Variants in MYH16 observed in about 807,000 individuals in gnomAD.
MYH16 encodes myosin heavy chain 16.
intron 38 of MYH16, among the ~76,000 whole-genome samples, chr7:99,302,335 C>T (rs1285702221): frequency 2.1e-5 from 3 of 144,926 alleles, no homozygotes; most frequent in African/African-American, 2.6e-5. Context: ...CACACACACA[C>T]ACACACACAC....
intron 37 of MYH16, among the ~76,000 whole-genome samples, chr7:99,301,213 AAAAAAG>A (rs1307729062): frequency 1.3e-5 from 2 of 150,866 alleles, no homozygotes; most frequent in East Asian, 3.9e-4. Flanking sequence ...AAAAAAAAAA[AAAAAAG>A]AGAGAGAGAG....
chr7:99,302,766 A>G (rs1792619551), intron 38 of MYH16, among the ~76,000 whole-genome samples: 1 of 151,880 alleles, frequency 6.6e-6, no homozygotes. Flanking sequence ...CTGTAGTCCC[A>G]GGTACTTGGA....
intron 22 of MYH16, among the ~76,000 whole-genome samples, chr7:99,280,065 G>T (rs367739075): frequency 5.3e-5 from 8 of 152,262 alleles, no homozygotes; most frequent in African/African-American, 1.9e-4. Flanking sequence ...TAGAGATGGG[G>T]TTTCGCCATG....
intron 33 of MYH16, among the ~76,000 whole-genome samples, chr7:99,294,500 C>CAAAAAAAAAAAA (rs1159682450): frequency 2.0e-3 from 51 of 25,350 alleles, no homozygotes; most frequent in South Asian, 5.1e-3. Flanking sequence ...GACCCTGTCT[C>CAAAAAAAAAAAA]AAAAAAAAAA....
chr7:99,281,745 C>A (rs1269642117), intron 23 of MYH16, among the ~76,000 whole-genome samples: 1 of 152,138 alleles, frequency 6.6e-6, no homozygotes, highest in Non-Finnish European at 1.5e-5. Context: ...CATGGGGAGA[C>A]CCACCGACTT....
At chr7:99,275,939 G>A (rs556537944) in intron 20 of MYH16, among the ~76,000 whole-genome samples, 1 of 152,262 alleles carries the variant, frequency 6.6e-6, no homozygotes, top group East Asian at 1.9e-4. Flanking sequence ...TGTTGGCCAG[G>A]CTGGTCTTGA....
chr7:99,308,317 A>G (rs1792710168), downstream of MYH16, among the ~76,000 whole-genome samples: 1 of 150,424 alleles, frequency 6.6e-6, no homozygotes, highest in Non-Finnish European at 1.5e-5. Flanking sequence ...AAAAAAAAAA[A>G]AAACCAGAAC....
At chr7:99,257,813 A>AT (rs1362558484) in intron 10 of MYH16, among the ~76,000 whole-genome samples, 1 of 151,950 alleles carries the variant, frequency 6.6e-6, no homozygotes, top group South Asian at 2.1e-4. Flanking sequence ...CGCCTGGCTA[A>AT]TTTTTTAATT....
At chr7:99,287,698 A>G (rs1438535690) in intron 28 of MYH16, 194 bp from the exon 10 acceptor site, 3 of 349,846 alleles carry the variant, frequency 8.6e-6, no homozygotes, top group Admixed American at 7.6e-5. Flanking sequence ...GGAGGGCACA[A>G]TTTAACACAC....
chr7:99,277,916 T>TGTGTGTGAGA (rs1478749471), intron 21 of MYH16, among the ~76,000 whole-genome samples: 3 of 132,222 alleles, frequency 2.3e-5, no homozygotes, highest in African/African-American at 6.0e-5. Flanking sequence ...TGTGTGTGTG[T>TGTGTGTGAGA]GAGAGAGAGA....
At chr7:99,276,282 A>G (rs1792110942) in intron 20 of MYH16, among the ~76,000 whole-genome samples, 1 of 152,260 alleles carries the variant, frequency 6.6e-6, no homozygotes, top group Admixed American at 6.5e-5. Context: ...GTTATCTTTC[A>G]AAAGAGGCGC....
chr7:99,277,955 C>G (rs918755450), intron 21 of MYH16, among the ~76,000 whole-genome samples: 11 of 149,610 alleles, frequency 7.4e-5, no homozygotes, highest in African/African-American at 2.5e-4. Context: ...GACAGACAGA[C>G]AGACAGACAG....
chr7:99,285,509 A>C (rs187169185), intron 27 of MYH16, 71 bp downstream of exon 9: 167 of 452,998 alleles, frequency 3.7e-4, no homozygotes, highest in Non-Finnish European at 6.2e-4. Flanking sequence ...CCATGAATAG[A>C]AACCTCCGCT....
intron 31 of MYH16, among the ~76,000 whole-genome samples, 182 bp from the exon 13 acceptor site, chr7:99,292,130 T>TAAA (rs1240747297): frequency 6.6e-6 from 1 of 152,186 alleles, no homozygotes; most frequent in African/African-American, 2.4e-5. Flanking sequence ...TTGTGGACAA[T>TAAA]AATAGAAAGA....
intron 26 of MYH16, among the ~76,000 whole-genome samples, chr7:99,285,161 C>A (rs1163491988): frequency 6.6e-6 from 1 of 152,240 alleles, no homozygotes; most frequent in South Asian, 2.1e-4. Flanking sequence ...TTTCCCTCCA[C>A]TCTATCCAGC....
chr7:99,280,982 T>C lies in MYH16; in HGVS notation n.2992+2T>C, dbSNP rs975015278. 1 of 394,452 alleles carries C rather than the reference T, an allele frequency of 2.5e-6. No individual in the cohort carries two copies. Among genetic ancestry groups the C allele is most frequent in the Non-Finnish European group, 5.0e-6 (1 of 198,272 alleles). The allele number at this position is 394,452 out of a possible 1,614,324, so 24.4% of individuals were successfully genotyped here. A position where few individuals can be genotyped will look rare whatever the true frequency, so the allele number is the denominator to read the frequency against. Reference sequence around the variant, plus strand: ...AGGGCCCTAGAGGAGCTGCACCAGGTAGGTTTCCCTTGCATCTTCCCTCAG... The same window carrying C: ...AGGGCCCTAGAGGAGCTGCACCAGGCAGGTTTCCCTTGCATCTTCCCTCAG... On this transcript the variant is annotated splice_donor_variant and non_coding_transcript_variant, in intron 23 of 41. Coordinates refer to ENST00000439784, the Ensembl canonical transcript of MYH16.
At chr7:99,289,842 G>T (rs1792342907) in intron 30 of MYH16, among the ~76,000 whole-genome samples, 1 of 152,160 alleles carries the variant, frequency 6.6e-6, no homozygotes, top group South Asian at 2.1e-4. Context: ...AAATAACTTT[G>T]CTAAGTTAGA....
At chr7:99,280,241 A>G (rs890612781) in intron 22 of MYH16, among the ~76,000 whole-genome samples, 1 of 152,254 alleles carries the variant, frequency 6.6e-6, no homozygotes, top group Non-Finnish European at 1.5e-5. Context: ...CACAAGCCAC[A>G]TTGCAGGTGC....
chr7:99,240,541 G>T (rs2150803226), intron 1 of MYH16, among the ~76,000 whole-genome samples: 1 of 152,230 alleles, frequency 6.6e-6, no homozygotes, highest in South Asian at 2.1e-4. Context: ...TCCATTCCTG[G>T]TTAATTTCTT....
Sources: allele counts gnomAD v4.1 joint callset (sites outside exome capture counted in the v4.1 genomes callset), GRCh38; gene constraint gnomAD v4.1.1; transcripts MANE v1.5; gene names NCBI Gene and HGNC (gene_info 2026-07-23, HGNC 2026-07-21).